The following LPP variants were observed in gnomAD, a reference collection of about 807,000 sequenced individuals.
The protein encoded by LPP is LIM domain containing preferred translocation partner in lipoma.
A neutral mutation model predicts 60.4 loss-of-function variants in LPP; 38 were observed. The ratio of observed to expected loss-of-function variants is 0.63; its 90% CI spans 0.49 to 0.83. LPP has a LOEUF of 0.83. Ranked by LOEUF, LPP falls within the 40% of genes least tolerant of loss-of-function variation. LPP has a pLI of 0.00. For missense variants in LPP, 902 were observed against 783.6 expected (o/e 1.15, Z -1.80); for synonymous variants, 328 against 290.8 (o/e 1.13, Z -1.30).
rs142745360 is a variant in LPP, at chr3:188,782,670, A to G, written c.1410+22388A>G. On this transcript the variant is annotated intron_variant, in intron 9 of 11. Coordinates refer to ENST00000617246, the MANE Select transcript of LPP (RefSeq NM_001375462.1). ...CCTCTCTCTCCTGTTATACCCTCCTAGCAATATTCTGATGCAGATGAACCC... is the reference window on the plus strand; with the variant it reads ...CCTCTCTCTCCTGTTATACCCTCCTGGCAATATTCTGATGCAGATGAACCC... Among the ~76,000 whole-genome samples, 343 of 151,908 alleles carry G rather than the reference A, an allele frequency of 2.3e-3. 3 individuals carry two copies. The highest frequency in any genetic ancestry group is 0.017 in the Middle Eastern group (5 of 294).
chr3:188,554,190 C>G (rs1057273510), intron 6 of LPP: 2 of 151,984 alleles, frequency 1.3e-5, no homozygotes, highest in Non-Finnish European at 2.9e-5. Flanking sequence ...ATTTAGCCTC[C>G]TGAAAACTTG....
At chr3:188,224,486 T>C (rs1716983312) in intron 1 of LPP, among the ~76,000 whole-genome samples, 1 of 152,142 alleles carries the variant, frequency 6.6e-6, no homozygotes, top group South Asian at 2.1e-4. Flanking sequence ...GCTAATGAAA[T>C]AAAACCTGTA....
chr3:188,672,565 G>C (rs1857159129), intron 7 of LPP, among the ~76,000 whole-genome samples: 1 of 152,152 alleles, frequency 6.6e-6, no homozygotes, highest in Admixed American at 6.5e-5. Flanking sequence ...GGGATAGAGG[G>C]TGATTTTACC....
At chr3:188,196,096 C>T (rs1000995508) in intron 1 of LPP, among the ~76,000 whole-genome samples, 2 of 152,208 alleles carry the variant, frequency 1.3e-5, no homozygotes, top group Non-Finnish European at 2.9e-5. Flanking sequence ...TTTCTGTTGA[C>T]CACTCCCAGT....
chr3:188,390,028 G>C (rs531578190), intron 3 of LPP, among the ~76,000 whole-genome samples: 1 of 152,246 alleles, frequency 6.6e-6, no homozygotes, highest in South Asian at 2.1e-4. Context: ...AAAGTCACTT[G>C]CATAAGCCAC....
At chr3:188,600,491 C>A (rs1439261306) in intron 6 of LPP, among the ~76,000 whole-genome samples, 2 of 151,412 alleles carry the variant, frequency 1.3e-5, no homozygotes, top group South Asian at 2.1e-4. Flanking sequence ...TATTTTCTAA[C>A]TGAATTTTAA....
intron 6 of LPP, among the ~76,000 whole-genome samples, chr3:188,605,026 AAAG>A (rs2151282226): frequency 6.6e-6 from 1 of 152,270 alleles, no homozygotes; most frequent in South Asian, 2.1e-4. Context: ...AATAGACATG[AAAG>A]AAGGTCAATG....
chr3:188,545,419 T>G (rs1474007432), intron 6 of LPP, among the ~76,000 whole-genome samples: 1 of 152,102 alleles, frequency 6.6e-6, no homozygotes, highest in East Asian at 1.9e-4. Flanking sequence ...AATACAATTT[T>G]ATCTCCATCT....
chr3:188,656,149 G>A (rs570181991), intron 7 of LPP, among the ~76,000 whole-genome samples: 3 of 146,986 alleles, frequency 2.0e-5, no homozygotes, highest in East Asian at 4.1e-4. Flanking sequence ...CCGAGGTCAC[G>A]CCATTCCACT....
At chr3:188,727,437 G>A (rs1395954231) in intron 8 of LPP, among the ~76,000 whole-genome samples, 1 of 152,100 alleles carries the variant, frequency 6.6e-6, no homozygotes. Context: ...TAGTTAAGAT[G>A]ATTTCCAGTT....
intron 5 of LPP, among the ~76,000 whole-genome samples, chr3:188,522,212 T>A (rs1819054802): frequency 6.6e-6 from 1 of 152,194 alleles, no homozygotes; most frequent in Admixed American, 6.5e-5. Flanking sequence ...TCAACCAACC[T>A]GTCATGTCAC....
intron 8 of LPP, among the ~76,000 whole-genome samples, chr3:188,746,018 T>C (rs376829380): frequency 6.6e-6 from 1 of 152,198 alleles, no homozygotes; most frequent in Non-Finnish European, 1.5e-5. Flanking sequence ...CCATATCGCA[T>C]GGATAGCATC....
At chr3:188,292,926 G>A (rs1404008027) in intron 2 of LPP, among the ~76,000 whole-genome samples, 2 of 152,148 alleles carry the variant, frequency 1.3e-5, no homozygotes, top group African/African-American at 2.4e-5. Context: ...GGATCAACTT[G>A]TATAGATTCT....
intron 4 of LPP, among the ~76,000 whole-genome samples, chr3:188,473,181 G>A (rs1344900807): frequency 6.6e-6 from 1 of 152,146 alleles, no homozygotes; most frequent in African/African-American, 2.4e-5. Context: ...GTTGAAAATA[G>A]TATAAAGGAT....
chr3:188,429,416 C>G (rs894920063), intron 4 of LPP, among the ~76,000 whole-genome samples: 8 of 152,270 alleles, frequency 5.3e-5, no homozygotes, highest in Non-Finnish European at 1.0e-4. Context: ...TAGAAGGACA[C>G]GAGGCTTAAT....
intron 9 of LPP, among the ~76,000 whole-genome samples, chr3:188,803,621 C>T (rs896120532): frequency 3.9e-5 from 6 of 152,014 alleles, no homozygotes; most frequent in Admixed American, 6.6e-5. Context: ...CCATATAAAC[C>T]ATAGATGGGT....
intron 9 of LPP, among the ~76,000 whole-genome samples, chr3:188,853,794 A>G (rs1386255924): frequency 1.3e-5 from 2 of 151,654 alleles, no homozygotes; most frequent in South Asian, 2.1e-4. Flanking sequence ...AACTGAACAC[A>G]GACTCCAAAC....
intron 6 of LPP, among the ~76,000 whole-genome samples, chr3:188,578,586 C>T (rs1580123395): frequency 6.6e-6 from 1 of 151,598 alleles, no homozygotes; most frequent in South Asian, 2.1e-4. Context: ...AATATTATCT[C>T]TCACTTTAAG....
intron 7 of LPP, among the ~76,000 whole-genome samples, chr3:188,639,841 T>C (rs1849676042): frequency 6.6e-6 from 1 of 152,214 alleles, no homozygotes; most frequent in African/African-American, 2.4e-5. Context: ...CCAGTTGGAA[T>C]GGCAATCATT....
Sources: gnomAD v4.1 joint callset for allele counts (sites outside exome capture counted in the v4.1 genomes callset) on GRCh38, gnomAD v4.1.1 for gene constraint, MANE v1.5 for transcripts, NCBI Gene and HGNC (gene_info 2026-07-23, HGNC 2026-07-21) for gene names.